CNTN6: variants seen among roughly 807,000 people sequenced by gnomAD.
The protein encoded by CNTN6 is contactin 6.
Under a neutral mutation model 122.8 loss-of-function variants are expected in CNTN6, and 137 were observed. That is an observed-to-expected ratio of 1.12 (90% CI 0.97 to 1.29). The LOEUF (loss-of-function observed/expected upper bound fraction) is 1.29, where lower values mean the gene tolerates loss of function less well. Ranked by LOEUF, CNTN6 falls within the 50% of genes most tolerant of loss-of-function variation. CNTN6 has a pLI of 0.00. For synonymous variants in CNTN6, 570 were observed against 426.0 expected, an observed-to-expected ratio of 1.34 and a Z score of -4.16; for missense variants, 1,634 against 1,223.4, an observed-to-expected ratio of 1.34 and a Z score of -5.01.
chr3:1,124,840 T>G (rs1268792658), intron 1 of CNTN6, among the ~76,000 whole-genome samples: 1 of 151,960 alleles, frequency 6.6e-6, no homozygotes, highest in East Asian at 1.9e-4. Context: ...TGCTGCATTT[T>G]TCCCAAACAC....
At chr3:1,129,018 A>G (rs930073510) in intron 1 of CNTN6, among the ~76,000 whole-genome samples, 2 of 151,998 alleles carry the variant, frequency 1.3e-5, no homozygotes, top group Non-Finnish European at 2.9e-5. Context: ...GTGTTTATGT[A>G]AATACATAGA....
intron 10 of CNTN6, 51 bp from the exon 11 acceptor site, chr3:1,329,734 C>T (rs766368273): frequency 6.6e-6 from 10 of 1,520,376 alleles, no homozygotes; most frequent in Non-Finnish European, 7.2e-6. Context: ...CCTGGAGTCA[C>T]TACATGTTAA....
At chr3:1,142,567 C>T (rs927469455) in intron 1 of CNTN6, among the ~76,000 whole-genome samples, 15 of 152,002 alleles carry the variant, frequency 9.9e-5, no homozygotes, top group African/African-American at 3.4e-4. Flanking sequence ...ATTCATTAAA[C>T]GAGAGATCAG....
intron 1 of CNTN6, among the ~76,000 whole-genome samples, chr3:1,097,487 A>G (rs958032037): frequency 6.6e-6 from 1 of 152,242 alleles, no homozygotes; most frequent in Non-Finnish European, 1.5e-5. Context: ...GAATGATCTT[A>G]CTAAAAAGCA....
chr3:1,119,760 C>T (rs933340067), intron 1 of CNTN6, among the ~76,000 whole-genome samples: 1 of 152,008 alleles, frequency 6.6e-6, no homozygotes, highest in African/African-American at 2.4e-5. Flanking sequence ...AAAATGCACA[C>T]ATTTTATGGG....
chr3:1,384,834 C>T (rs534011709), intron 19 of CNTN6, among the ~76,000 whole-genome samples: 2,459 of 134,858 alleles, frequency 0.018, 102 homozygotes, highest in African/African-American at 0.063. Flanking sequence ...TATATATAAC[C>T]ATAATCCTCT....
intron 2 of CNTN6, among the ~76,000 whole-genome samples, chr3:1,167,449 A>G (rs369048198): frequency 6.6e-6 from 1 of 152,314 alleles, no homozygotes; most frequent in African/African-American, 2.4e-5. Flanking sequence ...CGAAGTACCT[A>G]ACATGGCTTT....
chr3:1,273,203 A>G (rs557540116), intron 4 of CNTN6, among the ~76,000 whole-genome samples: 4 of 152,298 alleles, frequency 2.6e-5, no homozygotes, highest in African/African-American at 9.6e-5. Flanking sequence ...GCACTGCAGG[A>G]TTTGTATCCC....
At chr3:1,396,093 G>A (rs567509943) in intron 20 of CNTN6, among the ~76,000 whole-genome samples, 1 of 152,096 alleles carries the variant, frequency 6.6e-6, no homozygotes, top group East Asian at 1.9e-4. Flanking sequence ...TTCATCAAAT[G>A]TCATTGTCTC....
At chr3:1,251,799 A>ATCC (rs1260312973) in intron 4 of CNTN6, among the ~76,000 whole-genome samples, 1 of 152,128 alleles carries the variant, frequency 6.6e-6, no homozygotes, top group Non-Finnish European at 1.5e-5. Flanking sequence ...CAACTAAATC[A>ATCC]TCCTCACATA....
At chr3:1,260,331 C>T (rs909052374) in intron 4 of CNTN6, among the ~76,000 whole-genome samples, 7 of 152,064 alleles carry the variant, frequency 4.6e-5, no homozygotes, top group African/African-American at 1.7e-4. Context: ...GAGGCTCCAT[C>T]AGTACTTACT....
intron 12 of CNTN6, among the ~76,000 whole-genome samples, chr3:1,370,232 T>A (rs998100054): frequency 1.4e-4 from 21 of 152,176 alleles, no homozygotes; most frequent in African/African-American, 4.8e-4. Flanking sequence ...CTTTCTTTTT[T>A]TTTAATTTTA....
intron 4 of CNTN6, among the ~76,000 whole-genome samples, chr3:1,258,189 GA>G (rs931427786): frequency 5.9e-5 from 9 of 151,762 alleles, no homozygotes; most frequent in African/African-American, 2.2e-4. Context: ...AAGGGAGGAA[GA>G]AAAAAAACCT....
intron 1 of CNTN6, among the ~76,000 whole-genome samples, chr3:1,139,081 T>G (rs1481137388): frequency 6.6e-6 from 1 of 152,200 alleles, no homozygotes; most frequent in Non-Finnish European, 1.5e-5. Context: ...TCTTCACCTG[T>G]TTTTTGCAAA....
At chr3:1,268,121 A>G (rs2094955709) in intron 4 of CNTN6, among the ~76,000 whole-genome samples, 1 of 152,250 alleles carries the variant, frequency 6.6e-6, no homozygotes, top group African/African-American at 2.4e-5. Context: ...AAAGGTGAGA[A>G]AATGAACATT....
chr3:1,158,774 ATATGTGTGTATATATGTG>A (rs1261205239), intron 2 of CNTN6, among the ~76,000 whole-genome samples: 17,274 of 129,718 alleles, frequency 0.13, 1,908 homozygotes, highest in East Asian at 0.3. Context: ...ACACACATAT[ATATGTGTGTATATATGTG>A]TATATATATA....
At chr3:1,290,176 T>C (rs1188737798) in intron 5 of CNTN6, among the ~76,000 whole-genome samples, 2 of 152,238 alleles carry the variant, frequency 1.3e-5, no homozygotes, top group African/African-American at 4.8e-5. Context: ...TTTTAGAACC[T>C]CTGCTTCAGA....
chr3:1,388,468 C>T (rs1015760778), intron 20 of CNTN6, among the ~76,000 whole-genome samples: 7 of 151,700 alleles, frequency 4.6e-5, no homozygotes, highest in African/African-American at 9.7e-5. Context: ...GGGGAAAAAA[C>T]AGAACAGAAA....
chr3:1,395,319 G>T (rs1028552874), intron 20 of CNTN6, among the ~76,000 whole-genome samples: 1 of 152,134 alleles, frequency 6.6e-6, no homozygotes, highest in African/African-American at 2.4e-5. Flanking sequence ...TGGAGGTCAG[G>T]AGTTAGACAG....
Sources: gnomAD v4.1 joint callset for allele counts (sites outside exome capture counted in the v4.1 genomes callset) on GRCh38, gnomAD v4.1.1 for gene constraint, MANE v1.5 for transcripts, NCBI Gene and HGNC (gene_info 2026-07-23, HGNC 2026-07-21) for gene names.